CLSTN1: variants seen among roughly 807,000 people sequenced by gnomAD.
CLSTN1 encodes the protein calsyntenin-1.
Under a neutral mutation model 108.3 loss-of-function variants are expected in CLSTN1, and 28 were observed. That is an observed-to-expected ratio of 0.26 (90% CI 0.19 to 0.35). CLSTN1 has a LOEUF of 0.35. Among genes scored for constraint, CLSTN1 ranks in the 10% least tolerant of loss-of-function variants. The pLI is 1.00. For missense variants in CLSTN1, 1,157 were observed against 1,302.6 expected (o/e 0.89, Z 1.72); for synonymous variants, 524 against 534.9 (o/e 0.98, Z 0.28).
chr1:9,789,320 C>T (rs574581703), intron 1 of CLSTN1, among the ~76,000 whole-genome samples: 17 of 151,428 alleles, frequency 1.1e-4, no homozygotes, highest in South Asian at 2.2e-4. Flanking sequence ...ACAAGGGCCC[C>T]GATTTCTCCA....
At chr1:9,805,741 C>T (rs771549257) in intron 1 of CLSTN1, among the ~76,000 whole-genome samples, 2 of 151,624 alleles carry the variant, frequency 1.3e-5, no homozygotes, top group Non-Finnish European at 2.9e-5. Context: ...GTGGTGCGCG[C>T]CTATAGTCCC....
chr1:9,796,761 A>C (rs922495119), intron 1 of CLSTN1, among the ~76,000 whole-genome samples: 1 of 152,226 alleles, frequency 6.6e-6, no homozygotes, highest in African/African-American at 2.4e-5. Context: ...ACTGAATAAT[A>C]AACCCATGGA....
intron 1 of CLSTN1, among the ~76,000 whole-genome samples, chr1:9,789,213 G>GT (rs1465279224): frequency 6.6e-6 from 1 of 151,364 alleles, no homozygotes; most frequent in Admixed American, 6.7e-5. Context: ...ATCATACGGT[G>GT]ATTCTATCTT....
At chr1:9,822,690 G>A (rs568888562) in intron 1 of CLSTN1, among the ~76,000 whole-genome samples, 1 of 152,162 alleles carries the variant, frequency 6.6e-6, no homozygotes, top group Admixed American at 6.6e-5. Context: ...TAAGCTTTTC[G>A]TTGGCAAGAC....
chr1:9,739,416 G>A (rs1006134916), intron 10 of CLSTN1, among the ~76,000 whole-genome samples: 1 of 152,190 alleles, frequency 6.6e-6, no homozygotes, highest in Non-Finnish European at 1.5e-5. Flanking sequence ...TAGTATTTCA[G>A]GATGTTAATA....
chr1:9,752,169 C>A (rs1651589082), intron 4 of CLSTN1, among the ~76,000 whole-genome samples: 1 of 152,184 alleles, frequency 6.6e-6, no homozygotes, highest in South Asian at 2.1e-4. Context: ...TTCTGTCCTA[C>A]TTCTAGGGAA....
intron 1 of CLSTN1, among the ~76,000 whole-genome samples, chr1:9,786,983 G>A (rs868767647): frequency 6.6e-6 from 1 of 151,606 alleles, no homozygotes; most frequent in African/African-American, 2.4e-5. Flanking sequence ...CCCTGCACAT[G>A]AGCCTCAGGG....
intron 1 of CLSTN1, among the ~76,000 whole-genome samples, chr1:9,811,189 G>A (rs966707687): frequency 6.6e-6 from 1 of 152,120 alleles, no homozygotes; most frequent in African/African-American, 2.4e-5. Context: ...ATTAAAGTCA[G>A]CAGAAGGGAG....
intron 1 of CLSTN1, among the ~76,000 whole-genome samples, chr1:9,804,676 C>T (rs1654430959): frequency 6.6e-6 from 1 of 152,120 alleles, no homozygotes; most frequent in African/African-American, 2.4e-5. Flanking sequence ...GAAATCCCGT[C>T]TCTACAAAAA....
Position 9,751,629 on chromosome 1 carries a change from T to C in CLSTN1, c.493A>G (p.Lys165Glu). The change falls in exon 5 of 19, where the codon AAG becomes GAG. Residue 165 changes from lysine to glutamate, a missense_variant. Coordinates refer to ENST00000377298, the MANE Select transcript of CLSTN1 (RefSeq NM_001009566.3). ...NDVNEYAPVF[K>E]EKSYKATVIE... ...ACCGTGGCTTTGTAGGACTTCTCCT[T>C]GAACACGGGCGCGTACTCATTCACG... 1 of 1,614,186 alleles carries C rather than the reference T, an allele frequency of 6.2e-7. No homozygotes were observed. The highest frequency in any genetic ancestry group is 8.5e-7 in the Non-Finnish European group (1 of 1,180,034).
At chr1:9,737,024 G>C (rs868336883) in intron 11 of CLSTN1, among the ~76,000 whole-genome samples, 4 of 152,012 alleles carry the variant, frequency 2.6e-5, no homozygotes, top group African/African-American at 7.3e-5. Flanking sequence ...AGTGAGCCAA[G>C]ACCGCGCCAC....
chr1:9,762,898 G>A (rs1652152774), intron 2 of CLSTN1, among the ~76,000 whole-genome samples: 1 of 152,190 alleles, frequency 6.6e-6, no homozygotes, highest in South Asian at 2.1e-4. Flanking sequence ...TTGCTTACTG[G>A]TCCAGGCTAG....
intron 7 of CLSTN1, among the ~76,000 whole-genome samples, chr1:9,747,494 TTTC>T (rs199590634): frequency 2.0e-5 from 3 of 151,962 alleles, no homozygotes; most frequent in Admixed American, 6.6e-5. Flanking sequence ...ACATGATAAT[TTTC>T]TTCTTATTTA....
chr1:9,811,286 C>A (rs1173546378), intron 1 of CLSTN1, among the ~76,000 whole-genome samples: 1 of 152,112 alleles, frequency 6.6e-6, no homozygotes, highest in Non-Finnish European at 1.5e-5. Flanking sequence ...TATAAAAAAG[C>A]ATTTAAGCCA....
At chr1:9,819,413 C>A (rs1321080951) in intron 1 of CLSTN1, among the ~76,000 whole-genome samples, 2 of 152,068 alleles carry the variant, frequency 1.3e-5, no homozygotes, top group South Asian at 2.1e-4. Context: ...GCTAGTGTTA[C>A]GAAATTACAG....
At chr1:9,801,677 C>A (rs1271251638) in intron 1 of CLSTN1, among the ~76,000 whole-genome samples, 1 of 152,182 alleles carries the variant, frequency 6.6e-6, no homozygotes, top group Non-Finnish European at 1.5e-5. Context: ...GCCTCAGCCT[C>A]CCGAGTAGCT....
At chr1:9,782,097 G>A (rs1320087982) in intron 1 of CLSTN1, among the ~76,000 whole-genome samples, 1 of 152,154 alleles carries the variant, frequency 6.6e-6, no homozygotes, top group Non-Finnish European at 1.5e-5. Flanking sequence ...CTTGCAATCT[G>A]ATCTTTAACA....
chr1:9,739,814 ATTT>A (rs35078301), intron 10 of CLSTN1, among the ~76,000 whole-genome samples: 10 of 122,802 alleles, frequency 8.1e-5, no homozygotes, highest in African/African-American at 2.3e-4. Flanking sequence ...GCAATAGGGC[ATTT>A]TTTTTTTTTT....
At chr1:9,784,246 G>C (rs1012395748) in intron 1 of CLSTN1, among the ~76,000 whole-genome samples, 1 of 152,020 alleles carries the variant, frequency 6.6e-6, no homozygotes, top group Non-Finnish European at 1.5e-5. Flanking sequence ...GGAAGGTTGA[G>C]GCAGGGGAAT....
Sources: allele counts gnomAD v4.1 joint callset (sites outside exome capture counted in the v4.1 genomes callset), GRCh38; gene constraint gnomAD v4.1.1; transcripts MANE v1.5; gene names NCBI Gene and HGNC (gene_info 2026-07-23, HGNC 2026-07-21).